PRMT3: variants seen among roughly 807,000 people sequenced by gnomAD.
The protein encoded by PRMT3 is protein arginine methyltransferase 3.
A neutral mutation model predicts 71.9 loss-of-function variants in PRMT3; 62 were observed. The ratio of observed to expected loss-of-function variants is 0.86; its 90% CI spans 0.70 to 1.07. The LOEUF is 1.07. PRMT3 is among the 50% of genes least tolerant of loss of function. The pLI is 0.00. For missense variants in PRMT3, 663 were observed against 643.0 expected (o/e 1.03, Z -0.34); for synonymous variants, 213 against 220.4 (o/e 0.97, Z 0.30).
At chr11:20,495,785 C>T (rs1851318678) in intron 15 of PRMT3, among the ~76,000 whole-genome samples, 1 of 152,274 alleles carries the variant, frequency 6.6e-6, no homozygotes, top group Non-Finnish European at 1.5e-5. Flanking sequence ...TCTCTGAAAA[C>T]CTCCTGAGAG....
chr11:20,425,517 A>G (rs1849527354), intron 9 of PRMT3, among the ~76,000 whole-genome samples: 1 of 152,240 alleles, frequency 6.6e-6, no homozygotes, highest in Non-Finnish European at 1.5e-5. Flanking sequence ...AGGTGAATGT[A>G]TAAACAAAAT....
chr11:20,500,393 G>A (rs371592289), intron 15 of PRMT3, among the ~76,000 whole-genome samples: 8 of 151,980 alleles, frequency 5.3e-5, no homozygotes, highest in East Asian at 3.9e-4. Context: ...AGAAATTAAT[G>A]GGCTAATTCT....
Position 20,411,270 on chromosome 11 carries a change from A to G in PRMT3, c.893+3238A>G, listed in dbSNP as rs188178682. On this transcript the variant is annotated intron_variant, in intron 9 of 15. Coordinates refer to ENST00000331079, the MANE Select transcript of PRMT3 (RefSeq NM_005788.4). The stretch of plus-strand genomic sequence containing the variant: ...CTGTCTGTAATCATTGACTCAAAAT[A>G]CTTGTCTTCAGTCTTTTCTGTGTGT... Among the ~76,000 whole-genome samples the G allele has an allele frequency of 2.6e-5, 4 of 152,214 alleles. No individual in the cohort carries two copies. In the East Asian group the frequency reaches 7.7e-4, roughly 29 times the overall value.
intron 15 of PRMT3, among the ~76,000 whole-genome samples, chr11:20,504,418 TACA>T (rs1407511311): frequency 9.3e-4 from 141 of 152,296 alleles, no homozygotes; most frequent in African/African-American, 3.3e-3. Context: ...TGGCAAGATT[TACA>T]CAAACAGTTG....
At chr11:20,489,322 C>T (rs1354799594) in intron 13 of PRMT3, among the ~76,000 whole-genome samples, 2 of 151,984 alleles carry the variant, frequency 1.3e-5, no homozygotes, top group African/African-American at 2.4e-5. Flanking sequence ...TTTTTTCCCC[C>T]TCAGCAGTTC....
intron 2 of PRMT3, among the ~76,000 whole-genome samples, chr11:20,388,698 A>G (rs1385119086): frequency 6.6e-6 from 1 of 152,202 alleles, no homozygotes; most frequent in Admixed American, 6.5e-5. Context: ...AAGGAAGTTC[A>G]CCTTACTTAA....
chr11:20,429,892 C>T (rs1849620109), intron 10 of PRMT3, among the ~76,000 whole-genome samples: 3 of 152,276 alleles, frequency 2.0e-5, no homozygotes, highest in South Asian at 4.1e-4. Context: ...TTGGAAATAT[C>T]ATTTATGGTA....
Position 20,498,564 on chromosome 11 carries a change from A to T in PRMT3, c.1486+4310A>T, listed in dbSNP as rs962135250. On this transcript the variant is annotated intron_variant, in intron 15 of 15. Coordinates refer to ENST00000331079, the MANE Select transcript of PRMT3 (RefSeq NM_005788.4). Reference sequence around the variant, plus strand: ...GGCAACATGGCGAAATCCCATCTCTACTCAAAATACAAAAAATTAGCTGGA... The same window carrying T: ...GGCAACATGGCGAAATCCCATCTCTTCTCAAAATACAAAAAATTAGCTGGA... 5.3e-5 allele frequency among the ~76,000 whole-genome samples: 8 copies of T among 152,042 alleles called. No individual in the cohort carries two copies. In the East Asian group the frequency reaches 1.5e-3, roughly 29 times the overall value.
chr11:20,440,371 T>G (rs58649734), intron 10 of PRMT3, among the ~76,000 whole-genome samples: 1 of 151,162 alleles, frequency 6.6e-6, no homozygotes, highest in Non-Finnish European at 1.5e-5. Flanking sequence ...AGAGGCCGGG[T>G]GTGGTGGCTC....
chr11:20,389,425 G>A (rs1486362472), intron 2 of PRMT3, among the ~76,000 whole-genome samples: 1 of 151,570 alleles, frequency 6.6e-6, no homozygotes, highest in Admixed American at 6.7e-5. Context: ...TGTATGACTT[G>A]AGAGAAACAG....
chr11:20,431,301 G>A (rs1375985752), intron 10 of PRMT3, among the ~76,000 whole-genome samples: 1 of 152,106 alleles, frequency 6.6e-6, no homozygotes, highest in Non-Finnish European at 1.5e-5. Context: ...TCTTGGGCAT[G>A]TTACCTCTCT....
intron 8 of PRMT3, chr11:20,407,019 A>G (rs1037840842): frequency 2.0e-5 from 3 of 152,202 alleles, no homozygotes; most frequent in Admixed American, 6.6e-5. Context: ...AAATATTTGT[A>G]TACATATGCG....
intron 13 of PRMT3, among the ~76,000 whole-genome samples, chr11:20,490,689 A>G (rs1332991461): frequency 6.6e-6 from 1 of 152,246 alleles, no homozygotes; most frequent in Non-Finnish European, 1.5e-5. Context: ...GGCAATAAAT[A>G]TAACAGTTAT....
At chr11:20,492,066 G>A (rs1851220347) in intron 13 of PRMT3, among the ~76,000 whole-genome samples, 1 of 152,080 alleles carries the variant, frequency 6.6e-6, no homozygotes, top group African/African-American at 2.4e-5. Context: ...TTGGGTAAGG[G>A]GCATAGAAGT....
intron 7 of PRMT3, among the ~76,000 whole-genome samples, chr11:20,401,716 G>A (rs533217970): frequency 6.6e-6 from 1 of 152,158 alleles, no homozygotes; most frequent in South Asian, 2.1e-4. Context: ...TTACTTGACA[G>A]CAGAGCCCCT....
intron 8 of PRMT3, chr11:20,405,915 CTCT>C (rs1193262656): frequency 6.6e-6 from 1 of 151,788 alleles, no homozygotes; most frequent in Non-Finnish European, 1.5e-5. Context: ...ATCTCCAGAA[CTCT>C]TCATCTTATA....
At chr11:20,426,624 C>A in intron 9 of PRMT3, 142 bp from the exon 10 acceptor site, 1 of 901,648 alleles carries the variant, frequency 1.1e-6, no homozygotes, top group Non-Finnish European at 1.5e-6. Flanking sequence ...AAAATAATTA[C>A]AATGTCCAAA....
At chr11:20,409,178 A>T (rs1211764258) in intron 9 of PRMT3, among the ~76,000 whole-genome samples, 1 of 152,188 alleles carries the variant, frequency 6.6e-6, no homozygotes. Context: ...TAAAATATTT[A>T]AATTTGTTTA....
chr11:20,423,130 C>T (rs1242472262), intron 9 of PRMT3, among the ~76,000 whole-genome samples: 1 of 152,182 alleles, frequency 6.6e-6, no homozygotes, highest in African/African-American at 2.4e-5. Context: ...ATTTGACACT[C>T]TGATCTTATG....
Sources: gnomAD v4.1 joint callset for allele counts (sites outside exome capture counted in the v4.1 genomes callset) on GRCh38, gnomAD v4.1.1 for gene constraint, MANE v1.5 for transcripts, NCBI Gene and HGNC (gene_info 2026-07-23, HGNC 2026-07-21) for gene names.